The following PPIG variants were observed in gnomAD, a reference collection of about 807,000 sequenced individuals.
PPIG encodes peptidylprolyl isomerase G, also known as peptidyl-prolyl cis-trans isomerase G.
In PPIG, 26 loss-of-function variants were observed where a neutral mutation model predicts 87.9. That is an observed-to-expected ratio of 0.30 (90% CI 0.22 to 0.41). PPIG has a LOEUF of 0.41. Among genes scored for constraint, PPIG ranks in the 10% least tolerant of loss-of-function variants. The pLI, the probability that PPIG is intolerant of heterozygous loss-of-function variation, is 1.00. For missense variants in PPIG, 722 were observed against 879.4 expected, an observed-to-expected ratio of 0.82 and a Z score of 2.26; for synonymous variants, 308 against 276.5, an observed-to-expected ratio of 1.11 and a Z score of -1.13.
chr2:169,599,910 A>G (rs1685129791), intron 1 of PPIG, among the ~76,000 whole-genome samples: 2 of 152,080 alleles, frequency 1.3e-5, no homozygotes, highest in African/African-American at 4.8e-5. Context: ...TCACATAGAC[A>G]AATAGAAATA....
At chr2:169,600,167 C>T (rs2105482008) in intron 1 of PPIG, among the ~76,000 whole-genome samples, 1 of 152,030 alleles carries the variant, frequency 6.6e-6, no homozygotes, top group African/African-American at 2.4e-5. Context: ...CTCCGCCTCC[C>T]TGGCTCAAGT....
Position 169,584,400 on chromosome 2 carries a change from T to C in PPIG, c.-160T>C, listed in dbSNP as rs769734407. On this transcript the variant is annotated 5_prime_UTR_variant, in exon 1 of 14. Transcript: ENST00000260970. ...ACTGAGTTGTGGGGGAGGGAGGCGG[T>C]TAGCGGGCTTTAGCGCCTTTTCTGG... The C allele has an allele frequency of 2.1e-6, 1 of 471,042 alleles. No individual in the cohort carries two copies. The allele number at this position is 471,042 out of a possible 1,614,324, so 29.2% of individuals were successfully genotyped here.
At chr2:169,587,259 T>C (rs1684728946) in intron 1 of PPIG, among the ~76,000 whole-genome samples, 2 of 151,034 alleles carry the variant, frequency 1.3e-5, no homozygotes, top group African/African-American at 4.9e-5. Flanking sequence ...CTTTTTTTTT[T>C]GAGACAGAGT....
At chr2:169,589,298 T>C (rs1488147474) in intron 1 of PPIG, among the ~76,000 whole-genome samples, 2 of 152,182 alleles carry the variant, frequency 1.3e-5, no homozygotes, top group Non-Finnish European at 1.5e-5. Flanking sequence ...CTACATGAAA[T>C]AGCATAATTG....
chr2:169,585,691 T>C (rs1451793235), intron 1 of PPIG, among the ~76,000 whole-genome samples: 1 of 152,230 alleles, frequency 6.6e-6, no homozygotes, highest in Admixed American at 6.5e-5. Context: ...CCTTTCTGTG[T>C]GTAACCAACA....
chr2:169,598,426 G>A (rs371017948), intron 1 of PPIG, among the ~76,000 whole-genome samples: 1 of 152,006 alleles, frequency 6.6e-6, no homozygotes, highest in Non-Finnish European at 1.5e-5. Context: ...GAGTAGCTGG[G>A]ACTACAGGCG....
intron 9 of PPIG, among the ~76,000 whole-genome samples, chr2:169,628,788 T>G (rs1285381649): frequency 6.6e-6 from 1 of 151,088 alleles, no homozygotes; most frequent in Non-Finnish European, 1.5e-5. Flanking sequence ...AAAATAAAAA[T>G]TAAAAAAATT....
chr2:169,628,583 A>G (rs1456424272), intron 9 of PPIG, among the ~76,000 whole-genome samples: 1 of 152,158 alleles, frequency 6.6e-6, no homozygotes, highest in Non-Finnish European at 1.5e-5. Context: ...ACTGAGAGAA[A>G]GAGGATTACT....
chr2:169,592,594 G>C (rs560407404), intron 1 of PPIG, among the ~76,000 whole-genome samples: 1 of 152,112 alleles, frequency 6.6e-6, no homozygotes, highest in South Asian at 2.1e-4. Context: ...GTGAGCCACC[G>C]TGCCTGGCTC....
rs1574433222 is a variant in PPIG at position 169,590,450 on chromosome 2, C to G, written c.-70+5960C>G. On this transcript the variant is annotated intron_variant, in intron 1 of 13. Coordinates refer to ENST00000260970, the MANE Select transcript of PPIG (RefSeq NM_004792.3). ...GGTCAGGAGATCGAGACCATCCTAG[C>G]TAACACGGTGAAACCCCATCTCTAC... 3.9e-5 allele frequency among the ~76,000 whole-genome samples: 6 copies of G among 152,258 alleles called. 1 individual carries two copies. The South Asian group carries it at 1.2e-3, about 32-fold the overall frequency.
chr2:169,613,597 C>T (rs1235603021), intron 7 of PPIG, among the ~76,000 whole-genome samples: 1 of 151,580 alleles, frequency 6.6e-6, no homozygotes, highest in Non-Finnish European at 1.5e-5. Flanking sequence ...ATTTTTTTTC[C>T]CAACTCCTAA....
chr2:169,584,696 G>A (rs1175829750), intron 1 of PPIG: 1 of 335,590 alleles, frequency 3.0e-6, no homozygotes, highest in African/African-American at 2.2e-5. Flanking sequence ...GTTGCAGAAG[G>A]AGAAGGCTTG....
chr2:169,614,928 G>A (rs766637835), intron 9 of PPIG, among the ~76,000 whole-genome samples: 1 of 152,122 alleles, frequency 6.6e-6, no homozygotes, highest in African/African-American at 2.4e-5. Context: ...ATGTTTTGAA[G>A]TATGTATATG....
chr2:169,619,443 T>A (rs537915681), intron 9 of PPIG, among the ~76,000 whole-genome samples: 6 of 152,298 alleles, frequency 3.9e-5, no homozygotes, highest in African/African-American at 1.4e-4. Context: ...TTCTGTCTCA[T>A]TGATCTGTCT....
chr2:169,622,969 T>C (rs1432158003), intron 9 of PPIG, among the ~76,000 whole-genome samples: 1 of 152,166 alleles, frequency 6.6e-6, no homozygotes, highest in African/African-American at 2.4e-5. Flanking sequence ...ACAAAAAGAC[T>C]TCTGAAGAAA....
In PPIG at chr2:169,614,736, G is replaced by A; in HGVS notation, c.547+12G>A. 1 of 1,590,506 alleles carries A rather than the reference G, an allele frequency of 6.3e-7. No individual in the cohort carries two copies. The highest frequency in any genetic ancestry group is 8.5e-7 in the Non-Finnish European group (1 of 1,173,676). On this transcript the variant is annotated intron_variant, in intron 9 of 13. Transcript: ENST00000260970. ...TCCCAAATCTAAAGGTAAAAAGGAA[G>A]TACATATTTCTGAGAATACTTACAC...
intron 9 of PPIG, among the ~76,000 whole-genome samples, chr2:169,620,482 G>T (rs1685719441): frequency 6.6e-6 from 1 of 150,700 alleles, no homozygotes; most frequent in South Asian, 2.1e-4. Context: ...CTGAGTTTTT[G>T]TTGTTGTTGT....
At chr2:169,622,095 G>A (rs190647687) in intron 9 of PPIG, among the ~76,000 whole-genome samples, 3 of 152,098 alleles carry the variant, frequency 2.0e-5, no homozygotes, top group African/African-American at 4.8e-5. Context: ...AGGATGCTGC[G>A]TGGTTTATAT....
intron 9 of PPIG, among the ~76,000 whole-genome samples, chr2:169,617,619 A>T (rs11887271): frequency 6.6e-6 from 1 of 152,114 alleles, no homozygotes; most frequent in Non-Finnish European, 1.5e-5. Flanking sequence ...CTTTGTAGCA[A>T]TTGAGAATGG....
Sources: allele counts gnomAD v4.1 joint callset (sites outside exome capture counted in the v4.1 genomes callset), GRCh38; gene constraint gnomAD v4.1.1; transcripts MANE v1.5; gene names NCBI Gene and HGNC (gene_info 2026-07-23, HGNC 2026-07-21).